SLC24A2: variants seen among roughly 807,000 people sequenced by gnomAD.
SLC24A2 encodes the protein sodium/potassium/calcium exchanger 2.
A neutral mutation model predicts 62.0 loss-of-function variants in SLC24A2; 36 were observed. That is an observed-to-expected ratio of 0.58 (90% CI 0.44 to 0.77). The LOEUF (loss-of-function observed/expected upper bound fraction) is 0.77, where lower values mean the gene tolerates loss of function less well. SLC24A2 is among the 30% of genes least tolerant of loss of function. The probability of loss-of-function intolerance (pLI) is 0.00; values close to 1 mark genes in which losing one functional copy is unlikely to be tolerated. For missense variants in SLC24A2, 846 were observed against 817.9 expected (o/e 1.03, Z -0.42); for synonymous variants, 358 against 294.0 (o/e 1.22, Z -2.23).
intron 7 of SLC24A2, among the ~76,000 whole-genome samples, chr9:19,558,477 T>C (rs1482446510): frequency 6.6e-6 from 1 of 152,192 alleles, no homozygotes; most frequent in Non-Finnish European, 1.5e-5. Flanking sequence ...AATGAGGGCT[T>C]GTGATTTTAT....
the SLC24A2 span, among the ~76,000 whole-genome samples, chr9:20,091,157 AAAAAAGAATAAGAAAGAATGAAC>A: frequency 6.6e-6 from 1 of 152,136 alleles, no homozygotes; most frequent in Non-Finnish European, 1.5e-5. Flanking sequence ...GAAAAAGAAA[AAAAAAGAATAAGAAAGAATGAAC>A]AAAACCTCCG....
chr9:19,905,143 TC>T, the SLC24A2 span, among the ~76,000 whole-genome samples: 1 of 152,246 alleles, frequency 6.6e-6, no homozygotes, highest in East Asian at 1.9e-4. Context: ...TCATTCAGGA[TC>T]TGACAGGGAG....
chr9:20,305,315 T>A, the SLC24A2 span, among the ~76,000 whole-genome samples: 1 of 151,826 alleles, frequency 6.6e-6, no homozygotes, highest in East Asian at 1.9e-4. Flanking sequence ...ACCATGTTGG[T>A]CAGGATGGTC....
At chr9:20,076,471 A>C in the SLC24A2 span, among the ~76,000 whole-genome samples, 1 of 151,846 alleles carries the variant, frequency 6.6e-6, no homozygotes, top group Non-Finnish European at 1.5e-5. Context: ...AAGGAGGCCA[A>C]TTGCAACTGC....
At chr9:20,264,078 G>T in the SLC24A2 span, among the ~76,000 whole-genome samples, 12 of 152,200 alleles carry the variant, frequency 7.9e-5, no homozygotes, top group African/African-American at 2.9e-4. Flanking sequence ...ATTGTAGTCA[G>T]CCCTGAGGGC....
At chr9:19,739,540 A>C (rs1354070871) in intron 2 of SLC24A2, among the ~76,000 whole-genome samples, 1 of 152,198 alleles carries the variant, frequency 6.6e-6, no homozygotes, top group East Asian at 1.9e-4. Context: ...GATTTATGAC[A>C]AAGGTGAAAC....
At chr9:20,165,830 A>T in the SLC24A2 span, among the ~76,000 whole-genome samples, 1 of 152,038 alleles carries the variant, frequency 6.6e-6, no homozygotes, top group East Asian at 1.9e-4. Flanking sequence ...TAAAAAATAA[A>T]CACACCAGAA....
the SLC24A2 span, among the ~76,000 whole-genome samples, chr9:20,149,151 G>C: frequency 1.1e-3 from 171 of 152,018 alleles, 2 homozygotes; most frequent in African/African-American, 4.0e-3. Flanking sequence ...GAAAAGTCCT[G>C]GTGAGAAACT....
the SLC24A2 span, among the ~76,000 whole-genome samples, chr9:19,864,902 T>C: frequency 6.6e-6 from 1 of 152,056 alleles, no homozygotes; most frequent in Non-Finnish European, 1.5e-5. Context: ...CAAATTATCC[T>C]TGTTTGCAGA....
the SLC24A2 span, among the ~76,000 whole-genome samples, chr9:20,018,238 C>T: frequency 1.1e-4 from 17 of 152,204 alleles, no homozygotes; most frequent in African/African-American, 4.1e-4. Context: ...TGAGCCACTG[C>T]GCCCGGCCTA....
the SLC24A2 span, among the ~76,000 whole-genome samples, chr9:19,818,982 G>A: frequency 0.85 from 128,702 of 152,132 alleles, 55,451 homozygotes; most frequent in Non-Finnish European, 0.94. Context: ...ACAGCATGGT[G>A]CTGGTATCAA....
At chr9:19,874,224 C>T in the SLC24A2 span, among the ~76,000 whole-genome samples, 2 of 151,630 alleles carry the variant, frequency 1.3e-5, no homozygotes, top group African/African-American at 4.8e-5. Context: ...GGATGACAGG[C>T]GTCAGCCACC....
At chr9:19,907,956 A>T in the SLC24A2 span, among the ~76,000 whole-genome samples, 1 of 152,182 alleles carries the variant, frequency 6.6e-6, no homozygotes, top group African/African-American at 2.4e-5. Context: ...GCTACCAATG[A>T]CTTTCTTCAC....
the SLC24A2 span, among the ~76,000 whole-genome samples, chr9:19,815,055 T>G: frequency 6.6e-6 from 1 of 152,184 alleles, no homozygotes; most frequent in African/African-American, 2.4e-5. Context: ...TGTTTGCTCT[T>G]TTTAAAGATA....
At chr9:20,018,394 G>C in the SLC24A2 span, among the ~76,000 whole-genome samples, 1 of 152,102 alleles carries the variant, frequency 6.6e-6, no homozygotes, top group African/African-American at 2.4e-5. Flanking sequence ...CATGTGTGTA[G>C]AGGAATTGCC....
At chr9:19,843,626 G>T in the SLC24A2 span, among the ~76,000 whole-genome samples, 5 of 152,138 alleles carry the variant, frequency 3.3e-5, no homozygotes, top group Non-Finnish European at 7.4e-5. Flanking sequence ...CCATCACCCA[G>T]GTAGTAAGCA....
chr9:19,690,945 G>C (rs538984848), intron 2 of SLC24A2, among the ~76,000 whole-genome samples: 10 of 152,024 alleles, frequency 6.6e-5, no homozygotes, highest in Non-Finnish European at 1.5e-4. Context: ...GACAGAGAGA[G>C]AGACAGAGAG....
chr9:19,838,474 CACA>C, the SLC24A2 span, among the ~76,000 whole-genome samples: 1 of 151,434 alleles, frequency 6.6e-6, no homozygotes. Flanking sequence ...CACACACACA[CACA>C]CACACACACA....
At chr9:20,106,337 A>C in the SLC24A2 span, among the ~76,000 whole-genome samples, 1 of 152,246 alleles carries the variant, frequency 6.6e-6, no homozygotes, top group African/African-American at 2.4e-5. Flanking sequence ...AATACTCCCT[A>C]ACTCATTTGA....
Sources: allele counts gnomAD v4.1 joint callset (sites outside exome capture counted in the v4.1 genomes callset), GRCh38; gene constraint gnomAD v4.1.1; transcripts MANE v1.5; gene names NCBI Gene and HGNC (gene_info 2026-07-23, HGNC 2026-07-21).